Variants in MARCHF10 observed in about 807,000 individuals in gnomAD.
MARCHF10 encodes membrane associated ring-CH-type finger 10.
A neutral mutation model predicts 76.2 loss-of-function variants in MARCHF10; 64 were observed. The observed-to-expected ratio is 0.84, with a 90% CI of 0.69 to 1.03. The LOEUF (loss-of-function observed/expected upper bound fraction) is 1.03, where lower values mean the gene tolerates loss of function less well. Among genes scored for constraint, MARCHF10 ranks in the 50% least tolerant of loss-of-function variants. MARCHF10 has a pLI of 0.00. For missense variants in MARCHF10, 875 were observed against 958.0 expected, an observed-to-expected ratio of 0.91 and a Z score of 1.14; for synonymous variants, 340 against 357.5, an observed-to-expected ratio of 0.95 and a Z score of 0.55.
chr17:62,756,709 A>C (rs1487987487), intron 4 of MARCHF10, among the ~76,000 whole-genome samples: 1 of 152,182 alleles, frequency 6.6e-6, no homozygotes, highest in East Asian at 1.9e-4. Context: ...GTTTCTCCCC[A>C]TTGTACAGAT....
intron 3 of MARCHF10, among the ~76,000 whole-genome samples, chr17:62,767,272 C>T (rs1001240782): frequency 9.7e-5 from 4 of 41,346 alleles, no homozygotes; most frequent in African/African-American, 1.8e-4. Flanking sequence ...GCAAATTTGC[C>T]AGTCAAATAA....
chr17:62,703,315 C>T (rs1019570802), intron 10 of MARCHF10: 3 of 152,382 alleles, frequency 2.0e-5, no homozygotes, highest in Admixed American at 1.3e-4. Flanking sequence ...GACTCACCTC[C>T]GGCAACCCAT....
chr17:62,784,592 T>C (rs1490127866), intron 3 of MARCHF10, among the ~76,000 whole-genome samples: 2 of 152,206 alleles, frequency 1.3e-5, no homozygotes, highest in Non-Finnish European at 2.9e-5. Context: ...CTGTCCCTGT[T>C]TGCAGATGAC....
intron 3 of MARCHF10, among the ~76,000 whole-genome samples, chr17:62,775,521 G>A (rs1159649293): frequency 6.6e-6 from 1 of 151,602 alleles, no homozygotes; most frequent in African/African-American, 2.4e-5. Flanking sequence ...GGGGGGCGTG[G>A]CTTATTAATT....
chr17:62,743,627 A>C (rs1482565946), intron 5 of MARCHF10, among the ~76,000 whole-genome samples: 3 of 152,168 alleles, frequency 2.0e-5, no homozygotes, highest in African/African-American at 7.2e-5. Flanking sequence ...TGGGCAACAG[A>C]GGGAGACTCT....
At chr17:62,783,079 TG>T (rs2092687659) in intron 3 of MARCHF10, among the ~76,000 whole-genome samples, 1 of 152,026 alleles carries the variant, frequency 6.6e-6, no homozygotes, top group African/African-American at 2.4e-5. Flanking sequence ...GATCATTATC[TG>T]GAGAAAACTG....
At chr17:62,745,119 T>A (rs2091658894) in intron 4 of MARCHF10, among the ~76,000 whole-genome samples, 1 of 151,620 alleles carries the variant, frequency 6.6e-6, no homozygotes, top group Admixed American at 6.6e-5. Context: ...TTTTTTTTTT[T>A]TAAGATGGAG....
At chr17:62,714,687 C>T (rs1169724360) in intron 8 of MARCHF10, among the ~76,000 whole-genome samples, 2 of 152,178 alleles carry the variant, frequency 1.3e-5, no homozygotes, top group Non-Finnish European at 2.9e-5. Flanking sequence ...TAACATGCAT[C>T]AGAAATACTG....
rs113997808 is a variant in MARCHF10 at position 62,717,933 on chromosome 17, G to A, written c.2214+4555C>T. On this transcript the variant is annotated intron_variant, in intron 8 of 10. Coordinates refer to ENST00000311269, the MANE Select transcript of MARCHF10 (RefSeq NM_152598.4). ...TTAACATGGAGGGTGCGGTGGGGCC[G>A]AGGATATGGATGTGACCCAGTGGGG... Among the ~76,000 whole-genome samples the A allele has an allele frequency of 2.7e-3, 417 of 152,232 alleles. 1 individual carries two copies. The highest frequency in any genetic ancestry group is 9.6e-3 in the African/African-American group (400 of 41,526).
intron 2 of MARCHF10, 88 bp downstream of exon 2, chr17:62,801,558 C>A: frequency 1.9e-6 from 2 of 1,062,244 alleles, no homozygotes; most frequent in Middle Eastern, 2.6e-4. Context: ...AAAACTTTTA[C>A]TGCTTATCAT....
chr17:62,797,736 C>T (rs562199571), intron 2 of MARCHF10, among the ~76,000 whole-genome samples: 13 of 152,184 alleles, frequency 8.5e-5, no homozygotes, highest in South Asian at 2.1e-4. Context: ...CCAATGGTAT[C>T]GCCACATTTA....
At chr17:62,799,669 C>A (rs1421031122) in intron 2 of MARCHF10, among the ~76,000 whole-genome samples, 2 of 151,996 alleles carry the variant, frequency 1.3e-5, no homozygotes, top group South Asian at 2.1e-4. Flanking sequence ...TCGCTTGAAC[C>A]CAGGAGGCAG....
chr17:62,788,413 A>G (rs1459522394), intron 3 of MARCHF10, 67 bp downstream of exon 3: 3 of 1,593,904 alleles, frequency 1.9e-6, no homozygotes, highest in Non-Finnish European at 2.6e-6. Flanking sequence ...CATCACACAC[A>G]CACACACACC....
At chr17:62,727,645 A>G (rs1482939486) in intron 6 of MARCHF10, among the ~76,000 whole-genome samples, 1 of 152,236 alleles carries the variant, frequency 6.6e-6, no homozygotes, top group Non-Finnish European at 1.5e-5. Context: ...CCTTTCCCAC[A>G]CAAATCTCTT....
intron 3 of MARCHF10, among the ~76,000 whole-genome samples, chr17:62,786,756 G>A (rs886702785): frequency 2.0e-5 from 3 of 152,114 alleles, no homozygotes; most frequent in African/African-American, 7.2e-5. Context: ...TGTTCCATAA[G>A]CTTAAGTGTG....
At chr17:62,731,649 T>C (rs2091028712) in intron 6 of MARCHF10, among the ~76,000 whole-genome samples, 1 of 152,042 alleles carries the variant, frequency 6.6e-6, no homozygotes, top group Non-Finnish European at 1.5e-5. Context: ...TCATAAGGGG[T>C]GGTGAGATCG....
chr17:62,737,162 A>T lies in MARCHF10; in HGVS notation c.706T>A (p.Ser236Thr), dbSNP rs1030476300. 3.1e-6 allele frequency: 5 copies of T among 1,613,810 alleles called. No homozygotes were observed. The highest frequency in any genetic ancestry group is 4.2e-6 in the Non-Finnish European group (5 of 1,180,006). The stretch of plus-strand genomic sequence containing the variant: ...CTATTTTTTCCTTGGAAGGCCTGGG[A>T]CAGGGCTGGATGCAGCTCACTCTGG... ...PSQSELHPAL[S>T]QAFQGKNSPQ... Residue 236 changes from serine to threonine, a missense_variant, in exon 6 of 11, where the codon TCC (serine) becomes ACC (threonine). Coordinates refer to ENST00000311269, the MANE Select transcript of MARCHF10 (RefSeq NM_152598.4).
At chr17:62,726,588 C>A (rs1599112534) in intron 6 of MARCHF10, among the ~76,000 whole-genome samples, 1 of 152,156 alleles carries the variant, frequency 6.6e-6, no homozygotes, top group East Asian at 1.9e-4. Flanking sequence ...AGAGATCTTG[C>A]AAGTTTGAGA....
At chr17:62,797,582 C>G (rs1169173697) in intron 2 of MARCHF10, among the ~76,000 whole-genome samples, 1 of 152,084 alleles carries the variant, frequency 6.6e-6, no homozygotes, top group Non-Finnish European at 1.5e-5. Flanking sequence ...AACTATGATC[C>G]TCACCACCTT....
Sources: gnomAD v4.1 joint callset for allele counts (sites outside exome capture counted in the v4.1 genomes callset) on GRCh38, gnomAD v4.1.1 for gene constraint, MANE v1.5 for transcripts, NCBI Gene and HGNC (gene_info 2026-07-23, HGNC 2026-07-21) for gene names.